GDA: variants seen among roughly 807,000 people sequenced by gnomAD.
GDA encodes cytoplasmic PSD-95 interactor.
A neutral mutation model predicts 59.6 loss-of-function variants in GDA; 18 were observed. The ratio of observed to expected loss-of-function variants is 0.30; its 90% CI spans 0.21 to 0.45. The LOEUF is 0.45. Ranked by LOEUF, GDA falls within the 20% of genes least tolerant of loss-of-function variation. The pLI is 1.00. For synonymous variants in GDA, 201 were observed against 201.1 expected, an observed-to-expected ratio of 1.00 and a Z score of 0.00; for missense variants, 427 against 552.3, an observed-to-expected ratio of 0.77 and a Z score of 2.27.
chr9:72,155,139 A>G (rs1020044861), intron 1 of GDA, among the ~76,000 whole-genome samples: 3 of 152,222 alleles, frequency 2.0e-5, no homozygotes, highest in African/African-American at 7.2e-5. Context: ...ACTGGGAAGA[A>G]AAAGAGGTTT....
At chr9:72,202,493 G>T in intron 2 of GDA, 78 bp from the exon 3 acceptor site, 1 of 972,374 alleles carries the variant, frequency 1.0e-6, no homozygotes, top group Non-Finnish European at 1.6e-6. Flanking sequence ...AATCATGCTT[G>T]GGAAAAAATG....
At chr9:72,208,215 A>G (rs574552940) in intron 3 of GDA, among the ~76,000 whole-genome samples, 27 of 152,312 alleles carry the variant, frequency 1.8e-4, no homozygotes, top group African/African-American at 6.5e-4. Flanking sequence ...AAACTATTTC[A>G]ATCCTGCAGA....
upstream of GDA, among the ~76,000 whole-genome samples, chr9:72,147,574 T>A (rs1303806471): frequency 2.0e-5 from 3 of 152,244 alleles, no homozygotes; most frequent in African/African-American, 7.2e-5. Flanking sequence ...CTGTATAATG[T>A]TCTATCAAGT....
At chr9:72,214,035 T>C (rs760095253) in intron 5 of GDA, 44 bp downstream of exon 5, 13 of 1,046,852 alleles carry the variant, frequency 1.2e-5, no homozygotes, top group Admixed American at 5.1e-5. Context: ...GGTGAATTCC[T>C]GTGCTGCACT....
chr9:72,211,308 A>G (rs1449027797), intron 4 of GDA, among the ~76,000 whole-genome samples: 1 of 152,178 alleles, frequency 6.6e-6, no homozygotes, highest in Non-Finnish European at 1.5e-5. Flanking sequence ...TGTGCAAAGC[A>G]CTCTGGAAGA....
chr9:72,161,131 C>T (rs1828581373), intron 1 of GDA, among the ~76,000 whole-genome samples: 1 of 151,466 alleles, frequency 6.6e-6, no homozygotes, highest in Non-Finnish European at 1.5e-5. Context: ...CAGTCTCAAA[C>T]TCCTGACCTC....
intron 1 of GDA, among the ~76,000 whole-genome samples, chr9:72,123,272 C>T (rs10869124): frequency 0.45 from 66,701 of 148,088 alleles, 17,196 homozygotes; most frequent in Non-Finnish European, 0.58. Context: ...CAAGCTCCGC[C>T]TCCCAGGTTC....
chr9:72,258,137 C>G (rs1282517659), downstream of GDA, among the ~76,000 whole-genome samples: 3 of 151,480 alleles, frequency 2.0e-5, no homozygotes, highest in Admixed American at 1.3e-4. Context: ...ATAATGAGAC[C>G]CTTATCTCTA....
intron 2 of GDA, among the ~76,000 whole-genome samples, chr9:72,200,149 C>T (rs145922938): frequency 0.21 from 32,215 of 151,612 alleles, 4,120 homozygotes; most frequent in East Asian, 0.54. Context: ...AGGCGCCTGC[C>T]ACCACGCCTG....
intron 6 of GDA, among the ~76,000 whole-genome samples, chr9:72,222,811 G>C (rs575825109): frequency 6.6e-6 from 1 of 151,932 alleles, no homozygotes; most frequent in East Asian, 1.9e-4. Flanking sequence ...GGTTCAAGCA[G>C]TTCCCTTGCC....
At chr9:72,149,385 C>T (rs1184141239), upstream of GDA, 3 of 616,090 alleles carry the variant, frequency 4.9e-6, no homozygotes, top group Admixed American at 3.3e-5. Context: ...AGGTAGGGAG[C>T]CAGCCCCTGG....
At chr9:72,182,378 T>C (rs964250646) in intron 1 of GDA, among the ~76,000 whole-genome samples, 1 of 152,182 alleles carries the variant, frequency 6.6e-6, no homozygotes, top group African/African-American at 2.4e-5. Context: ...TTTTCAAGAA[T>C]ATAGAAGAGT....
intron 4 of GDA, among the ~76,000 whole-genome samples, chr9:72,212,878 T>G (rs1381429891): frequency 6.6e-6 from 1 of 152,146 alleles, no homozygotes; most frequent in Non-Finnish European, 1.5e-5. Context: ...TGAGACTGTT[T>G]GCTCCTTTAC....
chr9:72,149,707 AC>A, intron 1 of GDA, 25 bp downstream of exon 1: 1 of 1,577,322 alleles, frequency 6.3e-7, no homozygotes, highest in African/African-American at 1.4e-5. Context: ...GGTCGAGCGC[AC>A]TCCGACGGGC....
chr9:72,165,807 A>T (rs1280154939), intron 1 of GDA, among the ~76,000 whole-genome samples: 1 of 151,456 alleles, frequency 6.6e-6, no homozygotes, highest in East Asian at 1.9e-4. Flanking sequence ...CTGAGGGGGG[A>T]GAACTGCTCG....
At chr9:72,211,011 G>A (rs1835288748) in intron 4 of GDA, among the ~76,000 whole-genome samples, 1 of 152,064 alleles carries the variant, frequency 6.6e-6, no homozygotes, top group Admixed American at 6.6e-5. Flanking sequence ...TAAGTACTCT[G>A]ATTATTTACT....
intron 5 of GDA, among the ~76,000 whole-genome samples, chr9:72,218,436 C>T (rs1457769052): frequency 1.3e-5 from 2 of 152,214 alleles, no homozygotes; most frequent in Non-Finnish European, 2.9e-5. Flanking sequence ...CCTTTAGCAT[C>T]AGCCTATCCC....
chr9:72,198,799 C>T (rs1833536352), intron 2 of GDA, among the ~76,000 whole-genome samples: 1 of 145,838 alleles, frequency 6.9e-6, no homozygotes, highest in African/African-American at 2.6e-5. Context: ...TAATGTGTTC[C>T]ATTTGGTGAA....
intron 1 of GDA, among the ~76,000 whole-genome samples, chr9:72,119,778 T>TGAGCAAGATA (rs1825597249): frequency 6.6e-6 from 1 of 152,166 alleles, no homozygotes; most frequent in Non-Finnish European, 1.5e-5. Context: ...AATGATGGCT[T>TGAGCAAGATA]GAGCAAGATA....
Sources: allele counts gnomAD v4.1 joint callset (sites outside exome capture counted in the v4.1 genomes callset), GRCh38; gene constraint gnomAD v4.1.1; transcripts MANE v1.5; gene names NCBI Gene and HGNC (gene_info 2026-07-23, HGNC 2026-07-21).